The following PIGK variants were observed in gnomAD, a reference collection of about 807,000 sequenced individuals.
The protein encoded by PIGK is phosphatidylinositol glycan anchor biosynthesis class K, also known as GPI-anchor transamidase.
Under a neutral mutation model 50.6 loss-of-function variants are expected in PIGK, and 42 were observed. The observed-to-expected ratio is 0.83, with a 90% CI of 0.65 to 1.07. The LOEUF (loss-of-function observed/expected upper bound fraction) is 1.07, where lower values mean the gene tolerates loss of function less well. Among genes scored for constraint, PIGK ranks in the 50% least tolerant of loss-of-function variants. The pLI, the probability that PIGK is intolerant of heterozygous loss-of-function variation, is 0.00. For synonymous variants in PIGK, 151 were observed against 156.0 expected, an observed-to-expected ratio of 0.97 and a Z score of 0.24; for missense variants, 448 against 488.7, an observed-to-expected ratio of 0.92 and a Z score of 0.78.
intron 1 of PIGK, among the ~76,000 whole-genome samples, chr1:77,214,520 T>C (rs549284039): frequency 6.6e-6 from 1 of 152,034 alleles, no homozygotes; most frequent in South Asian, 2.1e-4. Flanking sequence ...AAAAAGGCCA[T>C]CTATGAAAAC....
chr1:77,116,222 C>T (rs1653958909), intron 10 of PIGK, among the ~76,000 whole-genome samples: 1 of 151,900 alleles, frequency 6.6e-6, no homozygotes, highest in Admixed American at 6.6e-5. Context: ...CTCGCTCTGT[C>T]GCCCAGGCTG....
intron 9 of PIGK, among the ~76,000 whole-genome samples, chr1:77,141,952 C>T (rs1247354308): frequency 2.0e-5 from 3 of 151,810 alleles, no homozygotes; most frequent in African/African-American, 4.8e-5. Flanking sequence ...ATCACAGATC[C>T]GTATCATTTA....
chr1:77,141,233 T>A (rs2100542805), intron 9 of PIGK, among the ~76,000 whole-genome samples: 1 of 152,296 alleles, frequency 6.6e-6, no homozygotes, highest in East Asian at 1.9e-4. Flanking sequence ...TAGTACAATA[T>A]AATTCTCAGC....
chr1:77,158,538 T>G (rs1655064263), intron 8 of PIGK, among the ~76,000 whole-genome samples: 1 of 152,088 alleles, frequency 6.6e-6, no homozygotes, highest in Non-Finnish European at 1.5e-5. Flanking sequence ...GTCTGGAGCT[T>G]CTTAGAGACT....
chr1:77,129,651 C>T (rs529362143), intron 9 of PIGK: 143 of 1,386,552 alleles, frequency 1.0e-4, no homozygotes, highest in Middle Eastern at 5.0e-4. Flanking sequence ...GAAACAAAAA[C>T]TTATGGCACG....
chr1:77,117,901 CCA>C (rs1293011394), intron 10 of PIGK, among the ~76,000 whole-genome samples: 1 of 152,110 alleles, frequency 6.6e-6, no homozygotes, highest in Non-Finnish European at 1.5e-5. Context: ...GTACCAATTA[CCA>C]CAGTGTCCTC....
At chr1:77,143,986 A>G (rs1484422038) in intron 9 of PIGK, among the ~76,000 whole-genome samples, 1 of 152,078 alleles carries the variant, frequency 6.6e-6, no homozygotes, top group Non-Finnish European at 1.5e-5. Context: ...AATTACTTTA[A>G]TAACTATATG....
intron 9 of PIGK, among the ~76,000 whole-genome samples, chr1:77,144,908 T>C (rs926903027): frequency 6.6e-6 from 1 of 151,874 alleles, no homozygotes; most frequent in Non-Finnish European, 1.5e-5. Context: ...AATAACAATA[T>C]AAAATAAATG....
chr1:77,120,541 C>T (rs1407291828), intron 10 of PIGK, among the ~76,000 whole-genome samples: 2 of 152,134 alleles, frequency 1.3e-5, no homozygotes, highest in South Asian at 2.1e-4. Flanking sequence ...TTTTAAATAA[C>T]GGACTTATCA....
intron 10 of PIGK, among the ~76,000 whole-genome samples, chr1:77,116,804 C>T (rs1398782139): frequency 2.6e-5 from 4 of 151,900 alleles, no homozygotes; most frequent in Non-Finnish European, 5.9e-5. Flanking sequence ...TATTAACAGT[C>T]GAGTCATCAT....
At chr1:77,143,273 A>T (rs1377503150) in intron 9 of PIGK, among the ~76,000 whole-genome samples, 2 of 152,148 alleles carry the variant, frequency 1.3e-5, no homozygotes, top group Admixed American at 1.3e-4. Flanking sequence ...TCAAGTATTT[A>T]ATAACATGGA....
intron 9 of PIGK, among the ~76,000 whole-genome samples, chr1:77,132,205 T>C (rs1654388194): frequency 6.6e-6 from 1 of 152,016 alleles, no homozygotes; most frequent in Non-Finnish European, 1.5e-5. Flanking sequence ...TTAGTATGAC[T>C]TTTTTCTTTG....
intron 2 of PIGK, among the ~76,000 whole-genome samples, chr1:77,208,354 T>G (rs1337310372): frequency 1.3e-5 from 2 of 152,216 alleles, no homozygotes; most frequent in Non-Finnish European, 2.9e-5. Flanking sequence ...ATGTTTCTTT[T>G]TCATCTTTTA....
intron 9 of PIGK, among the ~76,000 whole-genome samples, chr1:77,123,134 A>G (rs1258385198): frequency 6.6e-6 from 1 of 152,212 alleles, no homozygotes; most frequent in Non-Finnish European, 1.5e-5. Flanking sequence ...ATGAAACAGT[A>G]AATTTAAAAA....
At chr1:77,132,469 T>C (rs1211105611) in intron 9 of PIGK, among the ~76,000 whole-genome samples, 1 of 152,012 alleles carries the variant, frequency 6.6e-6, no homozygotes, top group Non-Finnish European at 1.5e-5. Flanking sequence ...AACATTACCA[T>C]TTCTTCAATA....
chr1:77,170,916 T>C (rs964012902), intron 3 of PIGK, among the ~76,000 whole-genome samples: 5 of 152,176 alleles, frequency 3.3e-5, no homozygotes, highest in African/African-American at 9.7e-5. Flanking sequence ...TTCTTGAAAA[T>C]TGGCTAGATT....
At chr1:77,123,118 G>A (rs1003600561) in intron 9 of PIGK, among the ~76,000 whole-genome samples, 1 of 151,904 alleles carries the variant, frequency 6.6e-6, no homozygotes, top group Non-Finnish European at 1.5e-5. Flanking sequence ...CCATATCTAG[G>A]ACAATATGAA....
chr1:77,109,292 C>G (rs934789322), intron 10 of PIGK, among the ~76,000 whole-genome samples: 1 of 152,182 alleles, frequency 6.6e-6, no homozygotes, highest in African/African-American at 2.4e-5. Context: ...CAAAGCCTGG[C>G]AGAGACACAA....
chr1:77,123,783 G>C (rs1022178109), intron 9 of PIGK, among the ~76,000 whole-genome samples: 1 of 152,092 alleles, frequency 6.6e-6, no homozygotes, highest in African/African-American at 2.4e-5. Flanking sequence ...TGATTAAAAT[G>C]ATACGTTTTA....
Sources: allele counts gnomAD v4.1 joint callset (sites outside exome capture counted in the v4.1 genomes callset), GRCh38; gene constraint gnomAD v4.1.1; transcripts MANE v1.5; gene names NCBI Gene and HGNC (gene_info 2026-07-23, HGNC 2026-07-21).